The following EIF5B variants were observed in gnomAD, a reference collection of about 807,000 sequenced individuals.
EIF5B encodes the protein eukaryotic translation initiation factor 5B.
EIF5B carries 47 observed loss-of-function variants against 147.5 expected under a neutral mutation model. The ratio of observed to expected loss-of-function variants is 0.32; its 90% CI spans 0.25 to 0.41. EIF5B has a LOEUF of 0.41. EIF5B is among the 10% of genes least tolerant of loss of function. The pLI is 1.00. For synonymous variants in EIF5B, 455 were observed against 456.2 expected, an observed-to-expected ratio of 1.00 and a Z score of 0.03; for missense variants, 1,064 against 1,413.2, an observed-to-expected ratio of 0.75 and a Z score of 3.96.
intron 14 of EIF5B, among the ~76,000 whole-genome samples, chr2:99,383,587 GAA>G (rs1386136951): frequency 3.9e-5 from 6 of 152,196 alleles, no homozygotes; most frequent in African/African-American, 1.4e-4. Flanking sequence ...AGCTGTCGAA[GAA>G]AAGTTTGAAA....
At chr2:99,345,021 A>G (rs1313932451) in intron 1 of EIF5B, among the ~76,000 whole-genome samples, 2 of 152,210 alleles carry the variant, frequency 1.3e-5, no homozygotes, top group East Asian at 3.8e-4. Flanking sequence ...ATTCATTTGG[A>G]AAATTCACAT....
chr2:99,346,621 A>G (rs2094273992), intron 1 of EIF5B, among the ~76,000 whole-genome samples: 1 of 110,916 alleles, frequency 9.0e-6, no homozygotes, highest in Non-Finnish European at 1.7e-5. Context: ...TTTTTTGAGA[A>G]GGTGTCTCAA....
chr2:99,364,029 A>T (rs1440767233), intron 5 of EIF5B, among the ~76,000 whole-genome samples, 167 bp downstream of exon 5: 1 of 152,232 alleles, frequency 6.6e-6, no homozygotes, highest in Non-Finnish European at 1.5e-5. Context: ...AGCACATCTT[A>T]TCTTTATTTT....
At position 99,342,759 on chromosome 2, in the gene EIF5B, G is replaced by T. The variant is rs529080465; in HGVS notation, c.35+5170G>T. ...CAGTCCTCCCTCCTCAGCCTCCCCA[G>T]TAGCTAGGACTGCAGGCATACACCA... On this transcript the variant is annotated intron_variant, in intron 1 of 23. Transcript: ENST00000289371. 2.3e-3 allele frequency among the ~76,000 whole-genome samples: 346 copies of T among 152,040 alleles called. 4 individuals carry two copies. The highest frequency in any genetic ancestry group is 8.1e-3 in the African/African-American group (337 of 41,450).
chr2:99,393,511 A>G (rs1050970305), intron 18 of EIF5B, among the ~76,000 whole-genome samples: 3 of 152,156 alleles, frequency 2.0e-5, no homozygotes, highest in African/African-American at 7.2e-5. Context: ...CTAAAAAAAA[A>G]AAAGCTAGAA....
intron 1 of EIF5B, among the ~76,000 whole-genome samples, chr2:99,356,585 C>T (rs991568715): frequency 6.6e-6 from 1 of 152,126 alleles, no homozygotes; most frequent in African/African-American, 2.4e-5. Flanking sequence ...TTTCAGTTGG[C>T]TCATGTGTCC....
Position 99,363,550 on chromosome 2 carries a change from C to T in EIF5B, c.920-95C>T, listed in dbSNP as rs576049521. 109 of 1,283,992 alleles carry T rather than the reference C, an allele frequency of 8.5e-5. 1 individual carries two copies. In the South Asian group the frequency reaches 1.5e-3, roughly 18 times the overall value. 79.5% of individuals were successfully genotyped at this position (1,283,992 alleles called of 1,614,324 possible). A position where few individuals can be genotyped will look rare whatever the true frequency, so the allele number is the denominator to read the frequency against. On this transcript the variant is annotated intron_variant, in intron 4 of 23. Coordinates refer to ENST00000289371, the MANE Select transcript of EIF5B (RefSeq NM_015904.4). ...CCTGCTGCTGGCATCGGCCTTGGCC[C>T]ATTATGGTCCTTGAATTGTGGTTGG... is the stretch of plus-strand genomic sequence containing the variant.
intron 22 of EIF5B, chr2:99,398,523 A>G (rs956874855): frequency 2.5e-6 from 1 of 396,552 alleles, no homozygotes; most frequent in African/African-American, 2.1e-5. Flanking sequence ...TGTTTTGCAA[A>G]GCACATTATC....
chr2:99,358,803 A>T (rs1252833694), intron 1 of EIF5B, among the ~76,000 whole-genome samples: 1 of 152,178 alleles, frequency 6.6e-6, no homozygotes, highest in East Asian at 1.9e-4. Flanking sequence ...TTGGTACTGT[A>T]GGAAGTCACC....
At position 99,381,518 on chromosome 2, in the gene EIF5B, GGT is replaced by G. The variant is rs56686088; in HGVS notation, c.2062-607_2062-606del. Reference sequence around the variant, plus strand: ...GTAGATAAGCATAATACAAAAAGGGGGTGTGTGTGTGTGTGTGTGTGTGTGTG... The same window carrying G: ...GTAGATAAGCATAATACAAAAAGGGGGTGTGTGTGTGTGTGTGTGTGTGTG... On this transcript the variant is annotated intron_variant, in intron 12 of 23. Transcript: ENST00000289371. Among the ~76,000 whole-genome samples the G allele has an allele frequency of 1.5e-3, 216 of 143,066 alleles. 1 individual carries two copies. Among genetic ancestry groups the G allele is most frequent in the South Asian group, 3.0e-3 (13 of 4,290 alleles). The allele number at this position is 143,066 out of a possible 152,430, so 93.9% of individuals were successfully genotyped here. A position where few individuals can be genotyped will look rare whatever the true frequency, so the allele number is the denominator to read the frequency against.
intron 3 of EIF5B, 61 bp from the exon 4 acceptor site, chr2:99,361,087 C>A: frequency 7.6e-7 from 1 of 1,319,640 alleles, no homozygotes; most frequent in Non-Finnish European, 1.0e-6. Context: ...CTTAATGAAG[C>A]ACATGACTCT....
intron 23 of EIF5B, 186 bp from the exon 24 acceptor site, chr2:99,399,121 G>A: frequency 1.3e-6 from 1 of 770,146 alleles, no homozygotes; most frequent in East Asian, 2.7e-5. Context: ...AGGACTTTTA[G>A]GTCCCCTCGT....
intron 8 of EIF5B, among the ~76,000 whole-genome samples, chr2:99,370,647 C>T (rs563084341): frequency 1.6e-4 from 24 of 152,296 alleles, no homozygotes; most frequent in African/African-American, 4.8e-4. Flanking sequence ...ATTTCCTCCT[C>T]AAGATAACTT....
At chr2:99,378,027 C>T (rs901162139) in intron 10 of EIF5B, among the ~76,000 whole-genome samples, 5 of 152,148 alleles carry the variant, frequency 3.3e-5, no homozygotes, top group African/African-American at 1.2e-4. Context: ...CAAATAAAGT[C>T]ATGATGTTTG....
chr2:99,355,158 A>G (rs2105341262), intron 1 of EIF5B, among the ~76,000 whole-genome samples: 1 of 152,170 alleles, frequency 6.6e-6, no homozygotes, highest in South Asian at 2.1e-4. Flanking sequence ...TCTCGTCTTG[A>G]TCTGTGTCTA....
In EIF5B at chr2:99,368,454, A is replaced by AG. The variant is rs1428043996; in HGVS notation, c.1289-38dup. ...AATAGTACTTCTCAGGTGACATGCA[A>AG]GTAGTATAAGCCTGAAGTTTTTCAT... On this transcript the variant is annotated intron_variant, in intron 6 of 23. Transcript: ENST00000289371. The AG allele has an allele frequency of 2.1e-6, 3 of 1,439,920 alleles. No individual in the cohort carries two copies. The Admixed American group carries it at 5.1e-5, about 25-fold the overall frequency. The allele number at this position is 1,439,920 out of a possible 1,614,324, so 89.2% of individuals were successfully genotyped here.
intron 3 of EIF5B, 142 bp from the exon 4 acceptor site, chr2:99,361,006 A>C: frequency 2.1e-6 from 2 of 934,154 alleles, no homozygotes; most frequent in Non-Finnish European, 3.0e-6. Flanking sequence ...GCTTGTTTGA[A>C]TTTTATATTC....
rs748606443 is a variant in EIF5B at position 99,363,723 on chromosome 2, A to G, written c.998A>G (p.Lys333Arg). The change falls in exon 5 of 24, where the codon AAA (lysine) becomes AGA (arginine). Residue 333 changes from lysine to arginine, a missense_variant. Around this residue, in one of 4 missense-constraint regions of EIF5B, gnomAD observed 458 missense variants for 451.3 expected, o/e 1.01. Coordinates refer to ENST00000289371, the MANE Select transcript of EIF5B (RefSeq NM_015904.4). ...AAGGAAGAAAAAGAGAAAGAGAAGAAAAAAGGACCTAGCAAAGCCACTGTT... is the reference window on the plus strand; with the variant it reads ...AAGGAAGAAAAAGAGAAAGAGAAGAGAAAAGGACCTAGCAAAGCCACTGTT... Reference protein sequence around the residue: ...GEKEEKEKEKKKGPSKATVKA... With the variant: ...GEKEEKEKEKRKGPSKATVKA... The G allele has an allele frequency of 6.2e-7, 1 of 1,607,466 alleles. No homozygotes were observed. Among genetic ancestry groups the G allele is most frequent in the Non-Finnish European group, 8.5e-7 (1 of 1,178,646 alleles).
At position 99,337,466 on chromosome 2, in the gene EIF5B, G is replaced by A; in HGVS notation, c.-89G>A. ...GCGGCGGCAGCACGAGGGGAAAAGA[G>A]CTGAGCGGAGACCAAAGTCAGCCGG... On this transcript the variant is annotated 5_prime_UTR_variant, in exon 1 of 24. Coordinates refer to ENST00000289371, the MANE Select transcript of EIF5B (RefSeq NM_015904.4). 2 of 1,532,640 alleles carry A rather than the reference G, an allele frequency of 1.3e-6. No individual in the cohort carries two copies. Among genetic ancestry groups the A allele is most frequent in the Non-Finnish European group, 1.8e-6 (2 of 1,126,736 alleles). The allele number at this position is 1,532,640 out of a possible 1,614,324, so 94.9% of individuals were successfully genotyped here.
Sources: gnomAD v4.1 joint callset for allele counts (sites outside exome capture counted in the v4.1 genomes callset) on GRCh38, gnomAD v4.1.1 for gene constraint, gnomAD v4.1.1 regional missense constraint, MANE v1.5 for transcripts, NCBI Gene and HGNC (gene_info 2026-07-23, HGNC 2026-07-21) for gene names.